CEACAM6: variants seen among roughly 807,000 people sequenced by gnomAD.
CEACAM6 encodes the protein cell adhesion molecule CEACAM6.
Under a neutral mutation model 32.4 loss-of-function variants are expected in CEACAM6, and 21 were observed. The observed-to-expected ratio is 0.65, with a 90% CI of 0.46 to 0.93. The LOEUF (loss-of-function observed/expected upper bound fraction) is 0.93. CEACAM6 is among the 40% of genes least tolerant of loss of function. CEACAM6 has a pLI of 0.00. For synonymous variants in CEACAM6, 184 were observed against 174.4 expected (o/e 1.06, Z -0.43); for missense variants, 406 against 432.2 (o/e 0.94, Z 0.54).
intron 3 of CEACAM6, 68 bp downstream of exon 3, chr19:41,761,595 T>C: frequency 6.3e-7 from 1 of 1,588,544 alleles, no homozygotes; most frequent in Non-Finnish European, 8.6e-7. Flanking sequence ...AGTCCAGGTC[T>C]CTCAGTCCCT....
chr19:41,769,740 T>C (rs200475274), intron 5 of CEACAM6, among the ~76,000 whole-genome samples: 1 of 146,970 alleles, frequency 6.8e-6, no homozygotes, highest in East Asian at 2.0e-4. Context: ...ATATTAATTG[T>C]TATAAAATAA....
chr19:41,762,304 T>A (rs1371145164), intron 4 of CEACAM6, 81 bp downstream of exon 4: 55 of 1,533,760 alleles, frequency 3.6e-5, no homozygotes, highest in Non-Finnish European at 4.2e-5. Flanking sequence ...GAAATTTTCT[T>A]TCCCAACCTG....
chr19:41,758,711 G>T (rs1555821484), intron 2 of CEACAM6, among the ~76,000 whole-genome samples: 1 of 152,070 alleles, frequency 6.6e-6, no homozygotes, highest in Non-Finnish European at 1.5e-5. Flanking sequence ...CATTCTAGCT[G>T]GGATGCCCTG....
chr19:41,756,303 T>C (rs2072884553), intron 1 of CEACAM6, among the ~76,000 whole-genome samples: 1 of 152,006 alleles, frequency 6.6e-6, no homozygotes, highest in African/African-American at 2.4e-5. Flanking sequence ...GGAAGGGATC[T>C]CCCAAGAATG....
chr19:41,763,664 C>T (rs2072940642), intron 4 of CEACAM6, among the ~76,000 whole-genome samples: 1 of 152,226 alleles, frequency 6.6e-6, no homozygotes, highest in African/African-American at 2.4e-5. Context: ...CTGACACACA[C>T]ACCTGCCCTG....
intron 5 of CEACAM6, among the ~76,000 whole-genome samples, chr19:41,768,063 CT>C (rs1163800905): frequency 2.0e-5 from 3 of 151,906 alleles, no homozygotes; most frequent in African/African-American, 7.2e-5. Flanking sequence ...GAGATGCATT[CT>C]TTTTTTATTT....
chr19:41,761,196 T>C, intron 2 of CEACAM6, 53 bp from the exon 3 acceptor site: 1 of 1,612,684 alleles, frequency 6.2e-7, no homozygotes, highest in East Asian at 2.2e-5. Context: ...AAGATGCCTG[T>C]GGAGGAATCA....
At chr19:41,762,725 C>A (rs55820626) in intron 4 of CEACAM6, among the ~76,000 whole-genome samples, 2 of 152,176 alleles carry the variant, frequency 1.3e-5, no homozygotes, top group Non-Finnish European at 2.9e-5. Flanking sequence ...ATCTCTGCTC[C>A]CAGCACCCCC....
chr19:41,761,134 G>T, intron 2 of CEACAM6, 115 bp from the exon 3 acceptor site: 1 of 1,559,196 alleles, frequency 6.4e-7, no homozygotes. Context: ...CCTGCCAGGG[G>T]CTTTTAAGGA....
intron 5 of CEACAM6, among the ~76,000 whole-genome samples, chr19:41,768,523 T>C (rs1555822591): frequency 6.6e-6 from 1 of 152,210 alleles, no homozygotes; most frequent in African/African-American, 2.4e-5. Flanking sequence ...ACGGCAACCA[T>C]CCGATTTCTC....
Position 41,761,235 on chromosome 19 carries a change from T to C in CEACAM6, c.425-14T>C. ...GTGCCACACAGGGCAATCTTCTCTC[T>C]GTTTTCTGCACAGCGGAGCTGCCCA... On this transcript the variant is annotated splice_polypyrimidine_tract_variant and intron_variant, in intron 2 of 5. Coordinates refer to ENST00000199764, the MANE Select transcript of CEACAM6 (RefSeq NM_002483.7). 6.2e-7 allele frequency: 1 copy of C among 1,614,202 alleles called. No homozygotes were observed. The highest frequency in any genetic ancestry group is 8.5e-7 in the Non-Finnish European group (1 of 1,180,030).
intron 5 of CEACAM6, among the ~76,000 whole-genome samples, chr19:41,769,716 A>C (rs2072980849): frequency 8.3e-6 from 1 of 120,880 alleles, no homozygotes; most frequent in Admixed American, 8.6e-5. Context: ...TTTGCACAAA[A>C]AATATAGTTA....
At position 41,761,425 on chromosome 19, in the gene CEACAM6, A is replaced by G; in HGVS notation, c.601A>G (p.Thr201Ala). 6.2e-7 allele frequency: 1 copy of G among 1,614,074 alleles called. No homozygotes were observed. The highest frequency in any genetic ancestry group is 8.5e-7 in the Non-Finnish European group (1 of 1,180,010). The change falls in exon 3 of 6, where the codon ACT becomes GCT. Residue 201 changes from threonine (T) to alanine (A), a missense_variant. Physicochemically the swap from Thr to Ala is moderately conservative, Grantham distance 58. Coordinates refer to ENST00000199764, the MANE Select transcript of CEACAM6 (RefSeq NM_002483.7). ...LQLSNGNMTL[T>A]LLSVKRNDAG... ...GCTGTCCAATGGCAACATGACCCTCACTCTACTCAGCGTCAAAAGGAACGA... is the reference window on the plus strand; with the variant it reads ...GCTGTCCAATGGCAACATGACCCTCGCTCTACTCAGCGTCAAAAGGAACGA...
chr19:41,767,143 C>G (rs1555822468), intron 5 of CEACAM6, among the ~76,000 whole-genome samples: 1 of 152,020 alleles, frequency 6.6e-6, no homozygotes, highest in African/African-American at 2.4e-5. Context: ...TAATTAGAAT[C>G]TGACTCTCTA....
At chr19:41,769,624 C>A (rs1457740448) in intron 5 of CEACAM6, among the ~76,000 whole-genome samples, 1 of 151,576 alleles carries the variant, frequency 6.6e-6, no homozygotes, top group Non-Finnish European at 1.5e-5. Flanking sequence ...AAAATTGAAA[C>A]ATCTATATTT....
chr19:41,767,262 A>C (rs2072962308), intron 5 of CEACAM6, among the ~76,000 whole-genome samples: 1 of 152,118 alleles, frequency 6.6e-6, no homozygotes, highest in African/African-American at 2.4e-5. Context: ...ACTTACTCAC[A>C]CCCTTCATCA....
Position 41,756,802 on chromosome 19 carries a change from T to G in CEACAM6, c.267T>G (p.Ala89=). 6.2e-7 allele frequency: 1 copy of G among 1,614,066 alleles called. No individual in the cohort carries two copies. The highest frequency in any genetic ancestry group is 8.5e-7 in the Non-Finnish European group (1 of 1,180,008). ...IVGYVIGTQQ[A]TPGPAYSGRE... is the part of the protein sequence containing the mutation. ...GATATGTAATAGGAACTCAACAAGCTACCCCAGGGCCCGCATACAGTGGTC... is the reference window on the plus strand; with the variant it reads ...GATATGTAATAGGAACTCAACAAGCGACCCCAGGGCCCGCATACAGTGGTC... The change falls in exon 2 of 6, where the codon GCT becomes GCG. Residue 89 remains alanine (A), a synonymous_variant. Transcript: ENST00000199764.
At chr19:41,757,397 A>G (rs1418869795) in intron 2 of CEACAM6, among the ~76,000 whole-genome samples, 1 of 151,932 alleles carries the variant, frequency 6.6e-6, no homozygotes. Context: ...GATCCTGGGG[A>G]GTCTGTGCCA....
chr19:41,768,020 T>A (rs2072966329), intron 5 of CEACAM6, among the ~76,000 whole-genome samples: 1 of 152,202 alleles, frequency 6.6e-6, no homozygotes, highest in Admixed American at 6.5e-5. Flanking sequence ...AGCCATAATG[T>A]CATATGCCAC....
Sources: allele counts gnomAD v4.1 joint callset (sites outside exome capture counted in the v4.1 genomes callset), GRCh38; gene constraint gnomAD v4.1.1; transcripts MANE v1.5; gene names NCBI Gene and HGNC (gene_info 2026-07-23, HGNC 2026-07-21).